Variants in RCOR1 observed in about 807,000 individuals in gnomAD.
The protein encoded by RCOR1 is REST corepressor 1.
A neutral mutation model predicts 64.0 loss-of-function variants in RCOR1; 12 were observed. That is an observed-to-expected ratio of 0.19 (90% CI 0.12 to 0.30). RCOR1 has a LOEUF of 0.30. RCOR1 is among the 10% of genes least tolerant of loss of function. The pLI, the probability that RCOR1 is intolerant of heterozygous loss-of-function variation, is 1.00. For synonymous variants in RCOR1, 279 were observed against 227.2 expected (o/e 1.23, Z -2.05); for missense variants, 502 against 621.2 (o/e 0.81, Z 2.04).
At chr14:102,643,270 C>T (rs1349495644) in intron 2 of RCOR1, 28 of 857,946 alleles carry the variant, frequency 3.3e-5, no homozygotes, top group Non-Finnish European at 3.8e-5. Flanking sequence ...GGCGACAGAG[C>T]GAGACTCCGT....
At chr14:102,662,390 T>C in intron 2 of RCOR1, 3 of 563,592 alleles carry the variant, frequency 5.3e-6, no homozygotes, top group Non-Finnish European at 1.0e-5. Context: ...TTTGATCTGG[T>C]GCCTGTTGGC....
Position 102,703,381 on chromosome 14 carries a change from G to C in RCOR1, c.498+2051G>C, listed in dbSNP as rs1019703030. On this transcript the variant is annotated intron_variant, in intron 4 of 11. Coordinates refer to ENST00000262241, the MANE Select transcript of RCOR1 (RefSeq NM_015156.4). Reference sequence around the variant, plus strand: ...ATCCAAGAAACTCAGTGAACTCCAAGTAGAATAAACTCAAAGAGGCTCACC... The same window carrying C: ...ATCCAAGAAACTCAGTGAACTCCAACTAGAATAAACTCAAAGAGGCTCACC... Among the ~76,000 whole-genome samples, 8 of 152,192 alleles carry C rather than the reference G, an allele frequency of 5.3e-5. No homozygotes were observed. In the East Asian group the frequency reaches 1.5e-3, roughly 29 times the overall value.
At chr14:102,646,444 C>T (rs1163250293) in intron 2 of RCOR1, among the ~76,000 whole-genome samples, 4 of 152,038 alleles carry the variant, frequency 2.6e-5, no homozygotes, top group Admixed American at 1.3e-4. Flanking sequence ...GCTTGAAGAG[C>T]TAAGAGAAAA....
chr14:102,602,428 G>A (rs1481102922), intron 2 of RCOR1, among the ~76,000 whole-genome samples: 2 of 96,420 alleles, frequency 2.1e-5, no homozygotes, highest in Non-Finnish European at 4.0e-5. Context: ...ATGGAGTTTC[G>A]CTCTTGTTTT....
At chr14:102,660,879 G>T (rs535951253) in intron 2 of RCOR1, among the ~76,000 whole-genome samples, 13 of 152,244 alleles carry the variant, frequency 8.5e-5, no homozygotes, top group African/African-American at 2.6e-4. Flanking sequence ...TTAGTATGGG[G>T]TGACTTGTGT....
At chr14:102,694,736 G>A (rs1323731417) in intron 3 of RCOR1, among the ~76,000 whole-genome samples, 1 of 152,152 alleles carries the variant, frequency 6.6e-6, no homozygotes, top group Non-Finnish European at 1.5e-5. Context: ...GTACCCACCA[G>A]GTGGCACAAT....
chr14:102,725,384 T>TA (rs1896238675), intron 11 of RCOR1, among the ~76,000 whole-genome samples: 1 of 152,122 alleles, frequency 6.6e-6, no homozygotes, highest in Non-Finnish European at 1.5e-5. Context: ...GAGTCCTTTT[T>TA]AAAAAATGGG....
At chr14:102,595,009 C>G (rs374626954) in intron 2 of RCOR1, among the ~76,000 whole-genome samples, 5 of 152,290 alleles carry the variant, frequency 3.3e-5, no homozygotes, top group East Asian at 3.9e-4. Context: ...AGGAAAAGGG[C>G]ATATTTGTCA....
chr14:102,630,402 G>A (rs1297112902), intron 2 of RCOR1, among the ~76,000 whole-genome samples: 1 of 152,142 alleles, frequency 6.6e-6, no homozygotes, highest in Non-Finnish European at 1.5e-5. Flanking sequence ...GTTACCCAGT[G>A]TCATGTATTC....
intron 2 of RCOR1, among the ~76,000 whole-genome samples, chr14:102,616,999 C>T (rs765143108): frequency 5.3e-5 from 8 of 152,000 alleles, no homozygotes; most frequent in Non-Finnish European, 1.2e-4. Context: ...TTGAAGATAC[C>T]GAGGATTTTA....
At chr14:102,697,665 C>G (rs760638337) in intron 3 of RCOR1, among the ~76,000 whole-genome samples, 5 of 152,046 alleles carry the variant, frequency 3.3e-5, no homozygotes, top group Non-Finnish European at 7.4e-5. Flanking sequence ...GTAGTTACTA[C>G]AGTAGAGTGC....
At chr14:102,599,037 GA>G (rs1893328719) in intron 2 of RCOR1, among the ~76,000 whole-genome samples, 1 of 152,176 alleles carries the variant, frequency 6.6e-6, no homozygotes, top group African/African-American at 2.4e-5. Flanking sequence ...AATAGGGTAA[GA>G]GGGGGGATGC....
Position 102,720,998 on chromosome 14 carries a change from C to T in RCOR1, c.1054-9C>T. On this transcript the variant is annotated splice_polypyrimidine_tract_variant and intron_variant, in intron 8 of 11. Transcript: ENST00000262241. ...ATTTTTAAAATGAAAATTATTTTTT[C>T]CTTCCTAGATCCAGAATATTAAACA... 2 of 1,410,166 alleles carry T rather than the reference C, an allele frequency of 1.4e-6. No homozygotes were observed. Among genetic ancestry groups the T allele is most frequent in the African/African-American group, 1.5e-5 (1 of 68,514 alleles). The allele number at this position is 1,410,166 out of a possible 1,614,324, so 87.4% of individuals were successfully genotyped here.
At chr14:102,694,334 G>A (rs1895600198) in intron 3 of RCOR1, among the ~76,000 whole-genome samples, 2 of 152,194 alleles carry the variant, frequency 1.3e-5, no homozygotes, top group Admixed American at 1.3e-4. Context: ...TCAGCTCACT[G>A]CAACCTCCGC....
intron 2 of RCOR1, among the ~76,000 whole-genome samples, chr14:102,628,177 G>A (rs1894021476): frequency 6.6e-6 from 1 of 152,076 alleles, no homozygotes; most frequent in African/African-American, 2.4e-5. Flanking sequence ...GTTCTCTTCA[G>A]GCTTTCTGTG....
intron 2 of RCOR1, among the ~76,000 whole-genome samples, chr14:102,637,227 A>C (rs1298962281): frequency 1.3e-5 from 2 of 150,850 alleles, no homozygotes; most frequent in Admixed American, 1.3e-4. Flanking sequence ...CCTGTGTTCA[A>C]GCGATTCTCC....
chr14:102,662,536 G>C (rs1894844866), intron 2 of RCOR1: 1 of 498,626 alleles, frequency 2.0e-6, no homozygotes, highest in Admixed American at 2.1e-5. Context: ...GAGGATATTT[G>C]GGCTGCCCCT....
intron 2 of RCOR1, among the ~76,000 whole-genome samples, chr14:102,608,213 A>C (rs910027917): frequency 6.6e-6 from 1 of 152,180 alleles, no homozygotes; most frequent in African/African-American, 2.4e-5. Flanking sequence ...AGAATGAGTT[A>C]CTTCTTATTC....
chr14:102,635,265 C>T (rs561894432), intron 2 of RCOR1, among the ~76,000 whole-genome samples: 55 of 152,216 alleles, frequency 3.6e-4, no homozygotes, highest in African/African-American at 1.1e-3. Context: ...GCACTTTGGG[C>T]GGCCCAGGCG....
Sources: allele counts gnomAD v4.1 joint callset (sites outside exome capture counted in the v4.1 genomes callset), GRCh38; gene constraint gnomAD v4.1.1; transcripts MANE v1.5; gene names NCBI Gene and HGNC (gene_info 2026-07-23, HGNC 2026-07-21).